The following SLCO2A1 variants were observed in gnomAD, a reference collection of about 807,000 sequenced individuals.
The protein encoded by SLCO2A1 is solute carrier organic anion transporter family member 2A1, also known as matrin F/G 1.
Under a neutral mutation model 71.7 loss-of-function variants are expected in SLCO2A1, and 60 were observed. That is an observed-to-expected ratio of 0.84 (90% CI 0.68 to 1.04). SLCO2A1 has a LOEUF of 1.04. Ranked by LOEUF, SLCO2A1 falls within the 50% of genes least tolerant of loss-of-function variation. The pLI, the probability that SLCO2A1 is intolerant of heterozygous loss-of-function variation, is 0.00. For missense variants in SLCO2A1, 745 were observed against 813.4 expected, an observed-to-expected ratio of 0.92 and a Z score of 1.02; for synonymous variants, 308 against 326.7, an observed-to-expected ratio of 0.94 and a Z score of 0.62.
At position 133,934,740 on chromosome 3, in the gene SLCO2A1, G is replaced by A. The variant is rs200078271; in HGVS notation, c.1905C>T (p.Asn635=). 59 of 1,613,646 alleles carry A rather than the reference G, an allele frequency of 3.7e-5. No homozygotes were observed. The Admixed American group carries it at 6.7e-4, about 18-fold the overall frequency. Residue 635 remains asparagine, a synonymous_variant, in exon 14 of 14, where the codon AAC becomes AAT. Coordinates refer to ENST00000310926, the MANE Select transcript of SLCO2A1 (RefSeq NM_005630.3). Reference sequence around the variant, plus strand: ...AGATGAGGCCTGCCGCCTTCTGCACGTTGTACTCCTTGTTCTTCTTCACCC... The same window carrying A: ...AGATGAGGCCTGCCGCCTTCTGCACATTGTACTCCTTGTTCTTCTTCACCC... ...SWRVKKNKEY[N]VQKAAGLI is the part of the protein sequence containing the mutation.
chr3:133,953,221 T>A (rs563411871), intron 5 of SLCO2A1, among the ~76,000 whole-genome samples: 3 of 152,256 alleles, frequency 2.0e-5, no homozygotes, highest in Admixed American at 2.0e-4. Context: ...GTATTTTTAG[T>A]AGAGACGGGG....
chr3:133,935,925 C>T, intron 12 of SLCO2A1, 28 bp from the exon 13 acceptor site: 1 of 1,551,568 alleles, frequency 6.4e-7, no homozygotes. Context: ...AAGCCCTGGT[C>T]AGGTGGAACT....
intron 1 of SLCO2A1, among the ~76,000 whole-genome samples, chr3:134,023,197 C>G (rs1935627339): frequency 6.6e-6 from 1 of 151,752 alleles, no homozygotes; most frequent in Non-Finnish European, 1.5e-5. Context: ...AGCGCCACCC[C>G]CTCCAGAATT....
Position 133,992,724 on chromosome 3 carries a change from T to G in SLCO2A1, c.97-13106A>C, listed in dbSNP as rs1343617163. Reference sequence around the variant, plus strand: ...AGCATCTTGACTTCAGAGGAACAGTTTGACAGTGTAGCTTCAGAGAGGTGT... The same window carrying G: ...AGCATCTTGACTTCAGAGGAACAGTGTGACAGTGTAGCTTCAGAGAGGTGT... On this transcript the variant is annotated intron_variant, in intron 1 of 13. Transcript: ENST00000310926. Among the ~76,000 whole-genome samples, 3 of 152,294 alleles carry G rather than the reference T, an allele frequency of 2.0e-5. No homozygotes were observed. In the East Asian group the frequency reaches 5.8e-4, roughly 29 times the overall value.
intron 1 of SLCO2A1, among the ~76,000 whole-genome samples, chr3:133,983,300 T>C (rs67976654): frequency 0.15 from 23,407 of 152,104 alleles, 1,862 homozygotes; most frequent in Middle Eastern, 0.18. Context: ...GATAACTCGG[T>C]TCAGATTTTG....
chr3:133,975,994 ATT>A (rs1934436698), intron 2 of SLCO2A1, among the ~76,000 whole-genome samples: 1 of 152,176 alleles, frequency 6.6e-6, no homozygotes, highest in Non-Finnish European at 1.5e-5. Context: ...ATGAGCAGAG[ATT>A]TTTGTCTGTT....
chr3:133,975,859 C>T (rs1934431379), intron 2 of SLCO2A1, among the ~76,000 whole-genome samples: 1 of 152,212 alleles, frequency 6.6e-6, no homozygotes, highest in African/African-American at 2.4e-5. Context: ...ACACCTACAT[C>T]CCCAACACTG....
rs543078377 is a variant in SLCO2A1, at chr3:134,024,696, A to C, written c.96+5011T>G. Among the ~76,000 whole-genome samples, 42 of 152,326 alleles carry C rather than the reference A, an allele frequency of 2.8e-4. 1 individual carries two copies. The highest frequency in any genetic ancestry group is 9.9e-4 in the African/African-American group (41 of 41,574). The stretch of plus-strand genomic sequence containing the variant: ...GGCCTTCTTGTCCTGTTAGCACAAG[A>C]AGCAGATAAACTAACCCTTAGGCAA... On this transcript the variant is annotated intron_variant, in intron 1 of 13. Coordinates refer to ENST00000310926, the MANE Select transcript of SLCO2A1 (RefSeq NM_005630.3).
chr3:133,957,925 A>T (rs1389276297), intron 3 of SLCO2A1, among the ~76,000 whole-genome samples: 1 of 152,196 alleles, frequency 6.6e-6, no homozygotes, highest in Non-Finnish European at 1.5e-5. Flanking sequence ...TTCCAAAAAG[A>T]TGCCCAAGCA....
At chr3:134,020,297 G>A (rs770093155) in intron 1 of SLCO2A1, among the ~76,000 whole-genome samples, 5 of 152,184 alleles carry the variant, frequency 3.3e-5, no homozygotes, top group Non-Finnish European at 5.9e-5. Flanking sequence ...TCTTCAACTC[G>A]GTGTCTGAGG....
chr3:134,003,932 G>C (rs1217509276), intron 1 of SLCO2A1, among the ~76,000 whole-genome samples: 1 of 152,054 alleles, frequency 6.6e-6, no homozygotes, highest in Non-Finnish European at 1.5e-5. Flanking sequence ...GAGAGAGAGG[G>C]AAAAAAAGAG....
At chr3:133,941,906 T>G (rs1933433100) in intron 11 of SLCO2A1, among the ~76,000 whole-genome samples, 1 of 152,268 alleles carries the variant, frequency 6.6e-6, no homozygotes, top group African/African-American at 2.4e-5. Flanking sequence ...CCTACAGGCA[T>G]TTCCATGGTG....
chr3:133,997,157 C>T (rs1408252155), intron 1 of SLCO2A1, among the ~76,000 whole-genome samples: 3 of 152,132 alleles, frequency 2.0e-5, no homozygotes, highest in African/African-American at 7.2e-5. Flanking sequence ...CCACTTCCCT[C>T]CCCAGAGTGC....
At chr3:134,003,081 C>T (rs1935135951) in intron 1 of SLCO2A1, among the ~76,000 whole-genome samples, 1 of 152,222 alleles carries the variant, frequency 6.6e-6, no homozygotes, top group South Asian at 2.1e-4. Context: ...GCTTCCCTCA[C>T]CTGGAGTTCT....
chr3:133,965,535 C>T (rs891532785), intron 3 of SLCO2A1, among the ~76,000 whole-genome samples: 5 of 152,180 alleles, frequency 3.3e-5, no homozygotes, highest in Non-Finnish European at 5.9e-5. Flanking sequence ...ATTAGACCCA[C>T]GGCTATAAGG....
Position 133,948,898 on chromosome 3 carries a change from A to G in SLCO2A1, c.935T>C (p.Ile312Thr). The part of the protein sequence containing the change: ...AKSRGSLVDF[I>T]KRFPCIFLRL... ...AGGGCTGTAGGGTCAGTTACGTTTA[A>G]TGAAATCCACCAGGGAGCCTCTTGA... is the stretch of plus-strand genomic sequence containing the variant. The change falls in exon 7 of 14, where the codon ATT becomes ACT. Residue 312 changes from isoleucine (I) to threonine (T), a missense_variant. By Grantham distance (89) the Ile-to-Thr change is moderately conservative. Coordinates refer to ENST00000310926, the MANE Select transcript of SLCO2A1 (RefSeq NM_005630.3). 6.2e-7 allele frequency: 1 copy of G among 1,614,074 alleles called. No individual in the cohort carries two copies. Among genetic ancestry groups the G allele is most frequent in the East Asian group, 2.2e-5 (1 of 44,872 alleles).
chr3:133,956,875 C>G (rs367779692), intron 3 of SLCO2A1, among the ~76,000 whole-genome samples: 7 of 152,182 alleles, frequency 4.6e-5, no homozygotes, highest in Admixed American at 2.0e-4. Context: ...GATGATGGCT[C>G]TCTCTGGGTG....
intron 13 of SLCO2A1, among the ~76,000 whole-genome samples, chr3:133,935,237 C>T (rs1403192637): frequency 6.6e-6 from 1 of 152,220 alleles, no homozygotes; most frequent in East Asian, 1.9e-4. Flanking sequence ...GCCCAGTCCC[C>T]TCAAGCCCAC....
In SLCO2A1 at chr3:133,951,192, G is replaced by T. The variant is rs1045486788; in HGVS notation, c.861+16C>A. ...TCAACTCCATCAGGTAGAGTCATGGGCTCTTGGAACCTTACCTTTGCTCCT... is the reference window on the plus strand; with the variant it reads ...TCAACTCCATCAGGTAGAGTCATGGTCTCTTGGAACCTTACCTTTGCTCCT... On this transcript the variant is annotated intron_variant, in intron 6 of 13. Transcript: ENST00000310926. 1 of 1,613,908 alleles carries T rather than the reference G, an allele frequency of 6.2e-7. No homozygotes were observed. Among genetic ancestry groups the T allele is most frequent in the Admixed American group, 1.7e-5 (1 of 60,004 alleles).
Sources: gnomAD v4.1 joint callset for allele counts (sites outside exome capture counted in the v4.1 genomes callset) on GRCh38, gnomAD v4.1.1 for gene constraint, MANE v1.5 for transcripts, NCBI Gene and HGNC (gene_info 2026-07-23, HGNC 2026-07-21) for gene names.